The following CNTD1 variants were observed in gnomAD, a reference collection of about 807,000 sequenced individuals.
CNTD1 encodes the protein cyclin N-terminal domain containing 1, also known as cyclin N-terminal domain-containing protein 1.
A neutral mutation model predicts 36.3 loss-of-function variants in CNTD1; 17 were observed. That is an observed-to-expected ratio of 0.47 (90% confidence interval 0.32 to 0.70). The LOEUF (loss-of-function observed/expected upper bound fraction) is 0.70. Ranked by LOEUF, CNTD1 falls within the 30% of genes least tolerant of loss-of-function variation. The pLI is 0.03. For synonymous variants in CNTD1, 128 were observed against 153.3 expected (o/e 0.83, Z 1.22); for missense variants, 338 against 386.1 (o/e 0.88, Z 1.04).
At chr17:42,801,256 G>A (rs1274837460) in intron 1 of CNTD1, among the ~76,000 whole-genome samples, 1 of 149,986 alleles carries the variant, frequency 6.7e-6, no homozygotes, top group African/African-American at 2.4e-5. Context: ...AATAAAGCAG[G>A]AGGAAAAGTG....
At chr17:42,807,655 A>C (rs2054902876) in intron 5 of CNTD1, 113 bp from the exon 6 acceptor site, 1 of 778,478 alleles carries the variant, frequency 1.3e-6, no homozygotes, top group African/African-American at 1.7e-5. Flanking sequence ...TCCATGTCTA[A>C]AAAATCCAAG....
Position 42,811,334 on chromosome 17 carries a change from G to C in CNTD1, c.*1799G>C. 3.4e-6 allele frequency: 1 copy of C among 293,128 alleles called. No homozygotes were observed. The highest frequency in any genetic ancestry group is 6.2e-6 in the Non-Finnish European group (1 of 160,622). The allele number at this position is 293,128 out of a possible 1,614,324, so 18.2% of individuals were successfully genotyped here. A position where few individuals can be genotyped will look rare whatever the true frequency, so the allele number is the denominator to read the frequency against. ...GTTTCCATCCATCAATGGGATCCTA[G>C]AAAAATCAAAAGAAGCATTCCTGTG... On this transcript the variant is annotated 3_prime_UTR_variant, in exon 7 of 7. Transcript: ENST00000588408.
intron 2 of CNTD1, 21 bp from the exon 3 acceptor site, chr17:42,804,204 C>T (rs1762649574): frequency 1.2e-6 from 2 of 1,601,384 alleles, no homozygotes; most frequent in Non-Finnish European, 1.7e-6. Context: ...GGATTGTTTA[C>T]TCTCCCTCCC....
chr17:42,805,549 G>A, intron 3 of CNTD1, 173 bp from the exon 4 acceptor site: 1 of 520,212 alleles, frequency 1.9e-6, no homozygotes, highest in East Asian at 3.5e-5. Context: ...ACAGCATGGT[G>A]GGTTTGGGAA....
At chr17:42,803,753 A>G (rs1413719294) in intron 2 of CNTD1, 58 bp downstream of exon 2, 14 of 1,339,588 alleles carry the variant, frequency 1.0e-5, no homozygotes, top group African/African-American at 1.5e-5. Flanking sequence ...TAATGTACCT[A>G]CATCTTTAAG....
chr17:42,801,106 A>T (rs1597911421), intron 1 of CNTD1, among the ~76,000 whole-genome samples: 1 of 150,098 alleles, frequency 6.7e-6, no homozygotes, highest in Non-Finnish European at 1.5e-5. Context: ...AATGGCTTGA[A>T]CCTGGGAGGC....
chr17:42,807,891 T>G, intron 6 of CNTD1, 27 bp downstream of exon 6: 1 of 1,502,538 alleles, frequency 6.7e-7, no homozygotes, highest in Non-Finnish European at 9.3e-7. Flanking sequence ...AGGACCAGCA[T>G]GGTGAGAATT....
intron 5 of CNTD1, 113 bp downstream of exon 5, chr17:42,806,931 A>C (rs1314012306): frequency 3.2e-6 from 3 of 930,396 alleles, no homozygotes; most frequent in African/African-American, 3.3e-5. Flanking sequence ...CAGATAACCT[A>C]CTCAGGCTAC....
chr17:42,803,717 T>C, intron 2 of CNTD1, 22 bp downstream of exon 2: 1 of 1,588,268 alleles, frequency 6.3e-7, no homozygotes, highest in Non-Finnish European at 8.6e-7. Flanking sequence ...GCATAATGCC[T>C]TTTGAACGGC....
At chr17:42,801,510 A>AAAAAAAATATAT (rs1289580717) in intron 1 of CNTD1, among the ~76,000 whole-genome samples, 3 of 54,356 alleles carry the variant, frequency 5.5e-5, no homozygotes, top group South Asian at 6.3e-4. Context: ...AAAAAAAAAA[A>AAAAAAAATATAT]ATATATATAT....
At chr17:42,803,343 C>G (rs751153031) in intron 1 of CNTD1, among the ~76,000 whole-genome samples, 13 of 152,194 alleles carry the variant, frequency 8.5e-5, no homozygotes, top group East Asian at 1.9e-4. Context: ...ACTGGCCAAG[C>G]CTTTTATCAG....
chr17:42,807,902 C>T (rs748962696), intron 6 of CNTD1, 38 bp downstream of exon 6: 2 of 1,445,482 alleles, frequency 1.4e-6, no homozygotes, highest in South Asian at 2.3e-5. Flanking sequence ...GGTGAGAATT[C>T]ATTTAACAGA....
chr17:42,802,283 G>C (rs1425362854), intron 1 of CNTD1, among the ~76,000 whole-genome samples: 3 of 152,120 alleles, frequency 2.0e-5, no homozygotes, highest in Non-Finnish European at 4.4e-5. Flanking sequence ...GGGTCTTTTA[G>C]TTAATAGCAG....
chr17:42,807,561 C>G (rs956093509), intron 5 of CNTD1, among the ~76,000 whole-genome samples: 1 of 152,176 alleles, frequency 6.6e-6, no homozygotes. Flanking sequence ...ATAAACCATT[C>G]AAGACATAAG....
chr17:42,802,653 ATG>A (rs1424852009), intron 1 of CNTD1, among the ~76,000 whole-genome samples: 1 of 152,216 alleles, frequency 6.6e-6, no homozygotes, highest in East Asian at 1.9e-4. Context: ...TCTATGTGTA[ATG>A]TGTGTTGAGT....
intron 3 of CNTD1, chr17:42,805,257 C>G (rs2054859696): frequency 6.5e-6 from 1 of 154,862 alleles, no homozygotes; most frequent in African/African-American, 2.4e-5. Flanking sequence ...ATGGCTACAA[C>G]AGTACAAATA....
At chr17:42,801,285 T>C (rs535132118) in intron 1 of CNTD1, among the ~76,000 whole-genome samples, 3 of 146,380 alleles carry the variant, frequency 2.0e-5, no homozygotes, top group South Asian at 4.3e-4. Context: ...TTGGGAAAGA[T>C]AATAATGGCT....
At chr17:42,799,920 C>T (rs555003041) in intron 1 of CNTD1, among the ~76,000 whole-genome samples, 1 of 151,016 alleles carries the variant, frequency 6.6e-6, no homozygotes, top group East Asian at 1.9e-4. Context: ...AAAAAAAAGC[C>T]GGGTGTGGTG....
At chr17:42,803,727 C>G (rs769740680) in intron 2 of CNTD1, 32 bp downstream of exon 2, 27 of 1,555,376 alleles carry the variant, frequency 1.7e-5, no homozygotes, top group Non-Finnish European at 2.3e-5. Context: ...TTTTGAACGG[C>G]ACCTCTCAGA....
Sources: allele counts gnomAD v4.1 joint callset (sites outside exome capture counted in the v4.1 genomes callset), GRCh38; gene constraint gnomAD v4.1.1; transcripts MANE v1.5; gene names NCBI Gene and HGNC (gene_info 2026-07-23, HGNC 2026-07-21).